Variants in CLOCK observed in about 807,000 individuals in gnomAD.
CLOCK encodes clock circadian regulator.
In CLOCK, 43 loss-of-function variants were observed where a neutral mutation model predicts 118.4. The ratio of observed to expected loss-of-function variants is 0.36; its 90% confidence interval spans 0.28 to 0.47. The LOEUF (loss-of-function observed/expected upper bound fraction) is 0.47, where lower values mean the gene tolerates loss of function less well. Among genes scored for constraint, CLOCK ranks in the 20% least tolerant of loss-of-function variants. The pLI is 1.00. For synonymous variants in CLOCK, 326 were observed against 339.2 expected, an observed-to-expected ratio of 0.96 and a Z score of 0.43; for missense variants, 846 against 999.9, an observed-to-expected ratio of 0.85 and a Z score of 2.08.
chr4:55,475,914 TTTC>T, intron 7 of CLOCK, 46 bp downstream of exon 7: 1 of 1,342,142 alleles, frequency 7.5e-7, no homozygotes, highest in South Asian at 1.2e-5. Context: ...CACCCTGTGA[TTTC>T]TTTTTTGAGG....
At chr4:55,493,175 A>G (rs185402215) in intron 2 of CLOCK, among the ~76,000 whole-genome samples, 1 of 152,350 alleles carries the variant, frequency 6.6e-6, no homozygotes, top group Admixed American at 6.5e-5. Context: ...ATTCCAGAGA[A>G]CAAAAACTTA....
At chr4:55,462,222 T>C (rs1044735388) in intron 9 of CLOCK, among the ~76,000 whole-genome samples, 1 of 152,226 alleles carries the variant, frequency 6.6e-6, no homozygotes, top group African/African-American at 2.4e-5. Flanking sequence ...ATTTTATTCT[T>C]AGTAGGGTCT....
chr4:55,463,825 A>C lies in CLOCK; in HGVS notation c.439-20T>G. 1.9e-6 allele frequency: 3 copies of C among 1,597,564 alleles called. No homozygotes were observed. The highest frequency in any genetic ancestry group is 2.6e-6 in the Non-Finnish European group (3 of 1,168,652). ...ATCAGACTGAAAAGAAAATTGTTAA[A>C]AGTAAAATAACTTCAATGATTCAAG... On this transcript the variant is annotated intron_variant, in intron 8 of 22. Coordinates refer to ENST00000513440, the MANE Select transcript of CLOCK (RefSeq NM_004898.4).
chr4:55,503,891 T>A (rs1228730057), intron 2 of CLOCK, among the ~76,000 whole-genome samples: 1 of 150,028 alleles, frequency 6.7e-6, no homozygotes, highest in African/African-American at 2.4e-5. Flanking sequence ...TGCAGGTACT[T>A]CTTCTTAGTG....
intron 9 of CLOCK, among the ~76,000 whole-genome samples, chr4:55,462,318 G>A (rs971750030): frequency 3.3e-5 from 5 of 151,962 alleles, no homozygotes; most frequent in Non-Finnish European, 5.9e-5. Flanking sequence ...ACAGAGTCTC[G>A]CTCTATCGCC....
intron 1 of CLOCK, among the ~76,000 whole-genome samples, chr4:55,513,079 T>C (rs951335915): frequency 1.3e-5 from 2 of 152,176 alleles, no homozygotes; most frequent in Non-Finnish European, 1.5e-5. Flanking sequence ...TGTACCCTAA[T>C]GTCCTAAGCC....
At chr4:55,491,248 A>C (rs1460693585) in intron 2 of CLOCK, among the ~76,000 whole-genome samples, 1 of 150,002 alleles carries the variant, frequency 6.7e-6, no homozygotes, top group East Asian at 1.9e-4. Flanking sequence ...AAAAAAAAAA[A>C]AAAAAAAAAA....
chr4:55,481,818 T>A (rs1290195062), intron 4 of CLOCK, among the ~76,000 whole-genome samples: 1 of 152,218 alleles, frequency 6.6e-6, no homozygotes, highest in Admixed American at 6.5e-5. Context: ...CTATGTGACT[T>A]TAAACAAGTT....
rs1426356922 is a variant in CLOCK at position 55,442,564 on chromosome 4, G to C, written c.1973C>G (p.Thr658Arg). Residue 658 changes from threonine to arginine, a missense_variant, in exon 21 of 23, where the codon ACA becomes AGA. Physicochemically the swap from Thr to Arg is moderately conservative, Grantham distance 71. Coordinates refer to ENST00000513440, the MANE Select transcript of CLOCK (RefSeq NM_004898.4). ...SLPSQTQSTL[T>R]APLYNTMVIS... is the part of the protein sequence containing the mutation. ...CACCATAGTGTTATACAGTGGGGCT[G>C]TAAGAGTGCTCTGTGTCTGACTGGG... The C allele has an allele frequency of 6.2e-7, 1 of 1,612,086 alleles. No individual in the cohort carries two copies. The highest frequency in any genetic ancestry group is 8.5e-7 in the Non-Finnish European group (1 of 1,179,716).
Position 55,459,229 on chromosome 4 carries a change from G to A in CLOCK, c.592C>T (p.Leu198=). 1.2e-6 allele frequency: 2 copies of A among 1,611,270 alleles called. No individual in the cohort carries two copies. Among genetic ancestry groups the A allele is most frequent in the Non-Finnish European group, 1.7e-6 (2 of 1,177,624 alleles). The stretch of plus-strand genomic sequence containing the variant: ...TCCTTTGGGTCTATTGTTCCTCGCA[G>A]CATGTGACAACAGAATTCTAACTGA... ...KNQLEFCCHM[L]RGTIDPKEPS... Residue 198 remains leucine, a synonymous_variant, in exon 10 of 23, where the codon CTG becomes TTG. Coordinates refer to ENST00000513440, the MANE Select transcript of CLOCK (RefSeq NM_004898.4).
chr4:55,545,304 A>G (rs1731540131), intron 1 of CLOCK: 2 of 152,200 alleles, frequency 1.3e-5, no homozygotes, highest in Admixed American at 1.3e-4. Flanking sequence ...GAGGTGTCCC[A>G]AGGGATAAGT....
rs772153109 is a variant in CLOCK at position 55,478,894 on chromosome 4, G to T, written c.177C>A (p.Ser59=). ...QFNVLIKELG[S]MLPGNARKMD... ...TCTTTCTAGCATTACCAGGAAGCAT[G>T]GATCCCAGTTCTTTAATGAGAACAT... The change falls in exon 6 of 23, where the codon TCC becomes TCA. Residue 59 remains serine (S), a synonymous_variant. Coordinates refer to ENST00000513440, the MANE Select transcript of CLOCK (RefSeq NM_004898.4). 1.9e-6 allele frequency: 3 copies of T among 1,610,828 alleles called. No homozygotes were observed. Among genetic ancestry groups the T allele is most frequent in the Non-Finnish European group, 1.7e-6 (2 of 1,178,000 alleles).
chr4:55,469,129 ATT>A (rs35057645), intron 8 of CLOCK, among the ~76,000 whole-genome samples: 13 of 147,454 alleles, frequency 8.8e-5, no homozygotes, highest in East Asian at 2.0e-4. Flanking sequence ...CTCTATTTAC[ATT>A]TTTTTTTTTT....
intron 21 of CLOCK, among the ~76,000 whole-genome samples, chr4:55,439,479 G>T (rs766598716): frequency 4.6e-5 from 7 of 152,030 alleles, no homozygotes; most frequent in Non-Finnish European, 8.8e-5. Flanking sequence ...ATTCACTATA[G>T]GATTACTATA....
chr4:55,495,959 T>TG (rs1728045725), intron 2 of CLOCK, among the ~76,000 whole-genome samples: 1 of 151,912 alleles, frequency 6.6e-6, no homozygotes, highest in Non-Finnish European at 1.5e-5. Context: ...GAGGTCAAGG[T>TG]GGGTGGATCA....
chr4:55,479,335 C>G (rs557190283), intron 5 of CLOCK, among the ~76,000 whole-genome samples: 1 of 151,976 alleles, frequency 6.6e-6, no homozygotes, highest in Non-Finnish European at 1.5e-5. Context: ...AACCAGTAAA[C>G]AAACAGCTAT....
Position 55,502,659 on chromosome 4 carries a change from A to G in CLOCK, c.-136+7253T>C, listed in dbSNP as rs569921984. Among the ~76,000 whole-genome samples, 25 of 152,334 alleles carry G rather than the reference A, an allele frequency of 1.6e-4. No homozygotes were observed. The South Asian group carries it at 5.2e-3, about 32-fold the overall frequency. ...AAATGAAACATAAAAAGCGTTAACC[A>G]TAAAAAAATTTGATAAAATGGACTT... On this transcript the variant is annotated intron_variant, in intron 2 of 22. Coordinates refer to ENST00000513440, the MANE Select transcript of CLOCK (RefSeq NM_004898.4).
intron 2 of CLOCK, among the ~76,000 whole-genome samples, chr4:55,503,344 T>C (rs1728559881): frequency 6.6e-6 from 1 of 152,146 alleles, no homozygotes; most frequent in African/African-American, 2.4e-5. Flanking sequence ...TGCATCAACA[T>C]GGATGAGTCA....
intron 1 of CLOCK, among the ~76,000 whole-genome samples, chr4:55,522,359 T>C (rs1160153490): frequency 6.6e-6 from 1 of 151,912 alleles, no homozygotes; most frequent in Non-Finnish European, 1.5e-5. Context: ...TACCAAAATA[T>C]CCCATAAACA....
Sources: allele counts gnomAD v4.1 joint callset (sites outside exome capture counted in the v4.1 genomes callset), GRCh38; gene constraint gnomAD v4.1.1; transcripts MANE v1.5; gene names NCBI Gene and HGNC (gene_info 2026-07-23, HGNC 2026-07-21).